The following PRKN variants were observed in gnomAD, a reference collection of about 807,000 sequenced individuals.
The protein encoded by PRKN is parkin RBR E3 ubiquitin protein ligase.
In PRKN, 56 loss-of-function variants were observed where a neutral mutation model predicts 59.5. The ratio of observed to expected loss-of-function variants is 0.94; its 90% CI spans 0.76 to 1.18. PRKN has a LOEUF of 1.18. PRKN is among the 50% of genes most tolerant of loss of function. PRKN has a pLI of 0.00. For missense variants in PRKN, 657 were observed against 596.4 expected, an observed-to-expected ratio of 1.10 and a Z score of -1.06; for synonymous variants, 250 against 222.1, an observed-to-expected ratio of 1.13 and a Z score of -1.12.
chr6:161,949,111 G>A (rs1489350480), intron 6 of PRKN, among the ~76,000 whole-genome samples: 2 of 152,102 alleles, frequency 1.3e-5, no homozygotes. Context: ...CAGCGGGGTA[G>A]TTCCATGCAG....
intron 5 of PRKN, among the ~76,000 whole-genome samples, chr6:161,977,305 T>G (rs1385907795): frequency 6.6e-6 from 1 of 152,090 alleles, no homozygotes; most frequent in African/African-American, 2.4e-5. Context: ...CCAGTTCCCC[T>G]CCACACGTCT....
chr6:162,620,941 G>T lies in PRKN; in HGVS notation c.7+106721C>A, dbSNP rs189932519. Reference sequence around the variant, plus strand: ...TATATTTAAATTAATTTTCTCTCAGGTCTTTGAAGACACTGCTTTGATAGC... The same window carrying T: ...TATATTTAAATTAATTTTCTCTCAGTTCTTTGAAGACACTGCTTTGATAGC... On this transcript the variant is annotated intron_variant, in intron 1 of 11. Transcript: ENST00000366898. Among the ~76,000 whole-genome samples the T allele has an allele frequency of 3.2e-3, 482 of 152,234 alleles. 5 individuals are homozygous for T. Among genetic ancestry groups the T allele is most frequent in the Middle Eastern group, 6.8e-3 (2 of 294 alleles).
intron 3 of PRKN, among the ~76,000 whole-genome samples, chr6:162,254,695 C>G (rs770981867): frequency 1.6e-4 from 25 of 152,078 alleles, no homozygotes; most frequent in African/African-American, 5.6e-4. Flanking sequence ...CTGCCAGAGC[C>G]AGCTTTGTTA....
intron 4 of PRKN, among the ~76,000 whole-genome samples, chr6:162,170,385 A>G (rs1265445322): frequency 6.6e-6 from 1 of 152,094 alleles, no homozygotes; most frequent in Non-Finnish European, 1.5e-5. Context: ...TCTTCCGTTT[A>G]TTTTCCTTTG....
chr6:162,679,014 G>A (rs1303282176), intron 1 of PRKN, among the ~76,000 whole-genome samples: 2 of 152,042 alleles, frequency 1.3e-5, no homozygotes, highest in Non-Finnish European at 2.9e-5. Context: ...GACCTCAGGT[G>A]ACCTGCCTGC....
At chr6:162,345,858 T>A (rs1454909979) in intron 2 of PRKN, among the ~76,000 whole-genome samples, 1 of 152,204 alleles carries the variant, frequency 6.6e-6, no homozygotes, top group African/African-American at 2.4e-5. Context: ...AAATTTCATA[T>A]GTTGGAAACT....
At chr6:162,689,187 G>T (rs1777678612) in intron 1 of PRKN, among the ~76,000 whole-genome samples, 1 of 152,160 alleles carries the variant, frequency 6.6e-6, no homozygotes, top group East Asian at 1.9e-4. Flanking sequence ...AACCCTGTGG[G>T]TTATTAATAA....
intron 3 of PRKN, among the ~76,000 whole-genome samples, chr6:162,212,324 C>A (rs1785237949): frequency 6.6e-6 from 1 of 151,782 alleles, no homozygotes; most frequent in Non-Finnish European, 1.5e-5. Flanking sequence ...AGTGGTCTCA[C>A]TTCTATTCCC....
intron 4 of PRKN, among the ~76,000 whole-genome samples, chr6:162,060,236 G>T (rs928198456): frequency 1.9e-4 from 29 of 152,198 alleles, no homozygotes; most frequent in African/African-American, 7.0e-4. Context: ...TCTCAAGTGA[G>T]AAATTACAAT....
chr6:161,897,860 G>C (rs368935083), intron 6 of PRKN, among the ~76,000 whole-genome samples: 28 of 149,894 alleles, frequency 1.9e-4, no homozygotes, highest in Admixed American at 4.0e-4. Flanking sequence ...CCAGCTACTC[G>C]GGAGGCTGAG....
chr6:162,305,974 C>G (rs977340060), intron 2 of PRKN, among the ~76,000 whole-genome samples: 26 of 152,040 alleles, frequency 1.7e-4, no homozygotes, highest in Non-Finnish European at 3.8e-4. Context: ...TTTTCTTGCT[C>G]AATTCCCTTG....
At chr6:161,849,950 T>A (rs950004955) in intron 6 of PRKN, among the ~76,000 whole-genome samples, 44 of 152,136 alleles carry the variant, frequency 2.9e-4, no homozygotes, top group African/African-American at 9.4e-4. Context: ...CGTCAGCTAT[T>A]TTCGCTACCG....
intron 6 of PRKN, among the ~76,000 whole-genome samples, chr6:161,957,443 T>A (rs1490794909): frequency 1.4e-5 from 2 of 145,600 alleles, no homozygotes; most frequent in Admixed American, 7.3e-5. Flanking sequence ...TTTGTTTTTT[T>A]GAGCCAGAGT....
intron 6 of PRKN, among the ~76,000 whole-genome samples, chr6:161,972,290 A>G (rs1780846477): frequency 6.6e-6 from 1 of 152,036 alleles, no homozygotes; most frequent in South Asian, 2.1e-4. Flanking sequence ...AAAAAAAAAA[A>G]AAGAGTTCTT....
At chr6:162,238,663 G>C (rs1266162207) in intron 3 of PRKN, among the ~76,000 whole-genome samples, 1 of 152,162 alleles carries the variant, frequency 6.6e-6, no homozygotes, top group Non-Finnish European at 1.5e-5. Flanking sequence ...TGACCCCAAA[G>C]TTCACCCTTT....
At chr6:162,605,746 AAT>A (rs1441348771) in intron 1 of PRKN, among the ~76,000 whole-genome samples, 2 of 152,178 alleles carry the variant, frequency 1.3e-5, no homozygotes, top group Admixed American at 6.5e-5. Context: ...AAAGAAAACA[AAT>A]ATGTCAAAAT....
intron 5 of PRKN, among the ~76,000 whole-genome samples, chr6:162,006,619 C>T (rs1315341399): frequency 1.3e-5 from 2 of 152,152 alleles, no homozygotes; most frequent in Non-Finnish European, 2.9e-5. Flanking sequence ...TCAGATAGGC[C>T]AAGCTCTTTC....
In PRKN at chr6:161,456,622, T is replaced by C. The variant is rs1021964279; in HGVS notation, c.1084-69745A>G. 7.1e-6 allele frequency among the ~76,000 whole-genome samples: 1 copy of C among 141,344 alleles called. No individual in the cohort carries two copies. The highest frequency in any genetic ancestry group is 1.6e-5 in the Non-Finnish European group (1 of 63,942). The allele number at this position is 141,344 out of a possible 152,430, so 92.7% of individuals were successfully genotyped here. A position where few individuals can be genotyped will look rare whatever the true frequency, so the allele number is the denominator to read the frequency against. ...CCCTCTAGAGAACCCTGACTAATAA[T>C]CTCCCACATCACCAGCTTGAATCCT... On this transcript the variant is annotated intron_variant, in intron 9 of 11. Transcript: ENST00000366898. This position sits in a 1 kb window ranked among gnomAD's most constrained non-coding sequence, Gnocchi z 4.8.
chr6:162,528,073 G>A (rs1417825480), intron 1 of PRKN, among the ~76,000 whole-genome samples: 4 of 57,842 alleles, frequency 6.9e-5, no homozygotes, highest in African/African-American at 1.6e-4. Context: ...GAGGGCGGGG[G>A]GGCGGGAGGG....
Sources: gnomAD v4.1 joint callset for allele counts (sites outside exome capture counted in the v4.1 genomes callset) on GRCh38, gnomAD v4.1.1 for gene constraint, Gnocchi (gnomAD v3.1) non-coding constraint, MANE v1.5 for transcripts, NCBI Gene and HGNC (gene_info 2026-07-23, HGNC 2026-07-21) for gene names.